LY75: variants seen among roughly 807,000 people sequenced by gnomAD.
LY75 encodes C-type lectin domain family 13 member B.
Under a neutral mutation model 231.7 loss-of-function variants are expected in LY75, and 185 were observed. The ratio of observed to expected loss-of-function variants is 0.80; its 90% CI spans 0.71 to 0.90. The LOEUF is 0.90. Among genes scored for constraint, LY75 ranks in the 40% least tolerant of loss-of-function variants. The pLI is 0.00. For synonymous variants in LY75, 668 were observed against 689.0 expected, an observed-to-expected ratio of 0.97 and a Z score of 0.48; for missense variants, 1,947 against 2,050.2, an observed-to-expected ratio of 0.95 and a Z score of 0.97.
At position 159,869,574 on chromosome 2, in the gene LY75, G is replaced by A. The variant is rs375678942; in HGVS notation, c.2117+2877C>T. Among the ~76,000 whole-genome samples, 284 of 152,258 alleles carry A rather than the reference G, an allele frequency of 1.9e-3. 2 individuals carry two copies. Among genetic ancestry groups the A allele is most frequent in the African/African-American group, 6.4e-3 (268 of 41,554 alleles). On this transcript the variant is annotated intron_variant, in intron 13 of 34. Coordinates refer to ENST00000263636, the MANE Select transcript of LY75 (RefSeq NM_002349.4). ...GAGTGTATTAGAATCTTGCGAGGCC[G>A]CAGCCTGTATCTTAGTAGGGCTTGA... is the stretch of plus-strand genomic sequence containing the variant.
intron 25 of LY75, among the ~76,000 whole-genome samples, chr2:159,839,311 A>G (rs926434341): frequency 3.9e-5 from 6 of 152,352 alleles, no homozygotes; most frequent in African/African-American, 1.4e-4. Flanking sequence ...GAGGTGGCCT[A>G]TAATGCCAAT....
intron 22 of LY75, 29 bp downstream of exon 22, chr2:159,850,333 A>G: frequency 6.2e-7 from 1 of 1,612,574 alleles, no homozygotes; most frequent in South Asian, 1.1e-5. Context: ...AGATCAGAAT[A>G]AAACATGTTT....
chr2:159,819,723 T>C lies in LY75; in HGVS notation c.4153+3A>G. ...AGAAAACTCTATATTTTACTATACTTACCCATTTCAATTTTACAAGCAAGA... is the reference window on the plus strand; with the variant it reads ...AGAAAACTCTATATTTTACTATACTCACCCATTTCAATTTTACAAGCAAGA... On this transcript the variant is annotated splice_donor_region_variant and intron_variant, in intron 29 of 34. Transcript: ENST00000263636. The C allele has an allele frequency of 2.5e-6, 4 of 1,607,880 alleles. No homozygotes were observed. The highest frequency in any genetic ancestry group is 3.4e-6 in the Non-Finnish European group (4 of 1,178,096).
At chr2:159,808,295 T>A in intron 33 of LY75, 154 bp downstream of exon 33, 1 of 876,372 alleles carries the variant, frequency 1.1e-6, no homozygotes, top group Non-Finnish European at 1.4e-6. Flanking sequence ...CATTCAAAAT[T>A]TATAACCATC....
rs138547845 is a variant in LY75 at position 159,834,147 on chromosome 2, A to T, written c.3738T>A (p.Thr1246=). 2.0e-5 allele frequency: 33 copies of T among 1,613,932 alleles called. No homozygotes were observed. Among genetic ancestry groups the T allele is most frequent in the Non-Finnish European group, 2.7e-5 (32 of 1,179,968 alleles). The change falls in exon 27 of 35, where the codon ACT becomes ACA. Residue 1246 remains threonine, a synonymous_variant. Transcript: ENST00000263636. ...SVKCPSPVLN[T]PWIPFQNCCY... ...AACAGTTCTGAAATGGTATCCACGG[A>T]GTATTTAGAACAGGAGATGGACATT...
In LY75 at chr2:159,806,962, T is replaced by C. The variant is rs1372436847; in HGVS notation, c.4990+11A>G. On this transcript the variant is annotated intron_variant, in intron 34 of 34. Transcript: ENST00000263636. ...TGCAAAAAGTCTCCTAAGGACAGGT[T>C]CCATACTTACCCAGAGGCACTTTGC... is the stretch of plus-strand genomic sequence containing the variant. 6.2e-7 allele frequency: 1 copy of C among 1,609,952 alleles called. No homozygotes were observed. Among genetic ancestry groups the C allele is most frequent in the Non-Finnish European group, 8.5e-7 (1 of 1,177,782 alleles).
chr2:159,890,482 T>C, intron 3 of LY75, 105 bp from the exon 4 acceptor site: 1 of 1,498,174 alleles, frequency 6.7e-7, no homozygotes, highest in Admixed American at 2.0e-5. Flanking sequence ...TCTTAGGATA[T>C]GCCCAAAGGG....
At chr2:159,854,557 A>G (rs1684493387) in intron 17 of LY75, 22 bp from the exon 18 acceptor site, 2 of 1,608,360 alleles carry the variant, frequency 1.2e-6, no homozygotes, top group South Asian at 1.1e-5. Context: ...GAAGAAAAAG[A>G]TTAGAATTAT....
chr2:159,875,635 C>T lies in LY75; in HGVS notation c.1783G>A (p.Gly595Ser). Residue 595 changes from glycine to serine, a missense_variant, in exon 12 of 35, where the codon GGC becomes AGC. Transcript: ENST00000263636. ...NWNFLEPASP[G>S]GCVAMSTGKS... ...CCAGTAGACATAGCCACGCAGCCGC[C>T]CGGGGAAGCTGGGATTGAAGTGGAA... 6.2e-7 allele frequency: 1 copy of T among 1,613,720 alleles called. No individual in the cohort carries two copies. The highest frequency in any genetic ancestry group is 8.5e-7 in the Non-Finnish European group (1 of 1,179,876).
intron 13 of LY75, among the ~76,000 whole-genome samples, chr2:159,868,554 C>T (rs189177885): frequency 6.6e-6 from 1 of 152,242 alleles, no homozygotes; most frequent in East Asian, 1.9e-4. Context: ...GAAGGGAGTG[C>T]TCAACAAGTG....
chr2:159,877,721 T>G (rs575706183), intron 11 of LY75, among the ~76,000 whole-genome samples: 1 of 151,802 alleles, frequency 6.6e-6, no homozygotes, highest in South Asian at 2.1e-4. Context: ...ATACAAAAAG[T>G]AGCTGGGCAT....
intron 12 of LY75, among the ~76,000 whole-genome samples, chr2:159,873,777 T>TGTAAAAATATACATAAATATATACATATA (rs1231369855): frequency 3.3e-5 from 3 of 90,786 alleles, no homozygotes; most frequent in Non-Finnish European, 5.0e-5. Context: ...ATATACATTT[T>TGTAAAAATATACATAAATATATACATATA]GTAAAAATAT....
At chr2:159,863,074 G>A (rs1684761842) in intron 14 of LY75, among the ~76,000 whole-genome samples, 1 of 147,394 alleles carries the variant, frequency 6.8e-6, no homozygotes, top group South Asian at 2.1e-4. Flanking sequence ...GTCTTTCTGT[G>A]CCTGGCTTCT....
chr2:159,832,604 C>A (rs547433849), intron 27 of LY75, among the ~76,000 whole-genome samples: 1 of 152,214 alleles, frequency 6.6e-6, no homozygotes, highest in African/African-American at 2.4e-5. Flanking sequence ...CAGAAAAGAT[C>A]TACATGGATT....
intron 12 of LY75, among the ~76,000 whole-genome samples, chr2:159,873,772 CATTTTGTAAAAAT>C (rs1685091548): frequency 3.3e-5 from 3 of 91,800 alleles, no homozygotes; most frequent in Non-Finnish European, 8.3e-5. Flanking sequence ...TAAATATATA[CATTTTGTAAAAAT>C]ATACATAAAT....
chr2:159,856,026 GTACA>G (rs962242968), intron 16 of LY75, among the ~76,000 whole-genome samples: 3 of 152,272 alleles, frequency 2.0e-5, no homozygotes, highest in Admixed American at 2.0e-4. Flanking sequence ...AGTTCAAAAT[GTACA>G]TAGTTTCTTG....
At chr2:159,810,478 T>C (rs764100244) in intron 32 of LY75, 48 bp downstream of exon 32, 4 of 1,585,560 alleles carry the variant, frequency 2.5e-6, no homozygotes, top group Non-Finnish European at 2.6e-6. Flanking sequence ...TTAAGAAACA[T>C]TTCTAAAAAT....
At chr2:159,817,996 C>T (rs1683174592) in intron 29 of LY75, among the ~76,000 whole-genome samples, 1 of 152,094 alleles carries the variant, frequency 6.6e-6, no homozygotes, top group African/African-American at 2.4e-5. Flanking sequence ...TTGCAGTGAG[C>T]TGAGATGGCG....
chr2:159,884,319 T>C lies in LY75; in HGVS notation c.1054+834A>G, dbSNP rs1424876597. On this transcript the variant is annotated intron_variant, in intron 6 of 34. Coordinates refer to ENST00000263636, the MANE Select transcript of LY75 (RefSeq NM_002349.4). ...ACATCCCTCCAGCTTTGAGTATTAG[T>C]TTCTCTCATTTGGTGAGGATGTAAT... Among the ~76,000 whole-genome samples, 4 of 152,160 alleles carry C rather than the reference T, an allele frequency of 2.6e-5. No individual in the cohort carries two copies. In the South Asian group the frequency reaches 6.2e-4, roughly 24 times the overall value.
Sources: gnomAD v4.1 joint callset for allele counts (sites outside exome capture counted in the v4.1 genomes callset) on GRCh38, gnomAD v4.1.1 for gene constraint, MANE v1.5 for transcripts, NCBI Gene and HGNC (gene_info 2026-07-23, HGNC 2026-07-21) for gene names.